The following MROH2A variants were observed in gnomAD, a reference collection of about 807,000 sequenced individuals.
MROH2A encodes maestro heat-like repeat-containing protein family member 2A.
In MROH2A, 174 loss-of-function variants were observed where a neutral mutation model predicts 200.4. The observed-to-expected ratio is 0.87, with a 90% confidence interval of 0.77 to 0.98. The LOEUF (loss-of-function observed/expected upper bound fraction) is 0.98, where lower values mean the gene tolerates loss of function less well. Among genes scored for constraint, MROH2A ranks in the 50% least tolerant of loss-of-function variants. The pLI is 0.00. For missense variants in MROH2A, 2,045 were observed against 2,139.6 expected (o/e 0.96, Z 0.87); for synonymous variants, 829 against 840.4 (o/e 0.99, Z 0.23).
chr2:233,818,595 G>A (rs567740595), intron 28 of MROH2A, 57 bp from the exon 29 acceptor site: 10 of 1,105,290 alleles, frequency 9.0e-6, no homozygotes, highest in Middle Eastern at 2.1e-4. Flanking sequence ...GCCACGAAGG[G>A]GGGGTGGCTG....
chr2:233,824,267 T>G (rs918144380), intron 35 of MROH2A, among the ~76,000 whole-genome samples: 13 of 152,262 alleles, frequency 8.5e-5, no homozygotes, highest in Non-Finnish European at 1.5e-5. Flanking sequence ...TTAAACTTCA[T>G]GGAATTTTCA....
At position 233,793,714 on chromosome 2, in the gene MROH2A, C is replaced by G. The variant is rs1647575737; in HGVS notation, c.712C>G (p.His238Asp). Residue 238 changes from histidine (H) to aspartate (D), a missense_variant, in exon 7 of 42, where the codon CAC (histidine) becomes GAC (aspartate). By Grantham distance (81) the His-to-Asp change is moderately conservative (BLOSUM62 -1). Coordinates refer to ENST00000389758, the MANE Select transcript of MROH2A (RefSeq NM_001394639.1). ...FCETVQFYLK[H>D]LEESVYPVMT... The stretch of plus-strand genomic sequence containing the variant: ...TGAGACGGTGCAGTTTTATCTGAAG[C>G]ACCTGGAGGAGAGCGTGTACCCCGT... 3 of 1,470,364 alleles carry G rather than the reference C, an allele frequency of 2.0e-6. No individual in the cohort carries two copies. The highest frequency in any genetic ancestry group is 2.7e-6 in the Non-Finnish European group (3 of 1,107,420). The allele number at this position is 1,470,364 out of a possible 1,614,324, so 91.1% of individuals were successfully genotyped here. A position where few individuals can be genotyped will look rare whatever the true frequency, so the allele number is the denominator to read the frequency against.
chr2:233,828,419 C>T lies in MROH2A; in HGVS notation c.4114-211C>T, dbSNP rs577177255. The T allele has an allele frequency of 9.0e-6, 5 of 555,536 alleles. No homozygotes were observed. The highest frequency in any genetic ancestry group is 5.6e-5 in the African/African-American group (3 of 53,342). 34.4% of individuals were successfully genotyped at this position (555,536 alleles called of 1,614,324 possible). On this transcript the variant is annotated intron_variant, in intron 35 of 41. Transcript: ENST00000389758. The surrounding 1 kb of genome is among the most constrained non-coding windows in gnomAD (Gnocchi z 4.6). ...ATATACGTAACACTTATCTAGCATT[C>T]CCCCCATATTTCCTTATTAAATCCC...
intron 3 of MROH2A, among the ~76,000 whole-genome samples, chr2:233,781,604 T>C (rs954682103): frequency 8.5e-5 from 13 of 152,172 alleles, no homozygotes; most frequent in African/African-American, 2.9e-4. Flanking sequence ...TTGAGTTGTT[T>C]GAGCTCCTTG....
At chr2:233,823,122 CT>C in intron 34 of MROH2A, 104 bp downstream of exon 34, 1 of 1,289,304 alleles carries the variant, frequency 7.8e-7, no homozygotes. Flanking sequence ...GGCTGAAGGC[CT>C]TCTTTCTGGG....
In MROH2A at chr2:233,818,144, T is replaced by A. The variant is rs1320760436; in HGVS notation, c.3085+19T>A. 7 of 1,549,382 alleles carry A rather than the reference T, an allele frequency of 4.5e-6. No homozygotes were observed. The highest frequency in any genetic ancestry group is 2.0e-5 in the Admixed American group (1 of 50,970). ...CTTCACGGTATGAGAGGGCAGGACA[T>A]GAGGACCAGCTCCTCTGGGAGGGAG... is the stretch of plus-strand genomic sequence containing the variant. On this transcript the variant is annotated intron_variant, in intron 28 of 41. Coordinates refer to ENST00000389758, the MANE Select transcript of MROH2A (RefSeq NM_001394639.1).
At chr2:233,777,407 G>A (rs1331777172), upstream of MROH2A, among the ~76,000 whole-genome samples, 1 of 152,216 alleles carries the variant, frequency 6.6e-6, no homozygotes, top group Non-Finnish European at 1.5e-5. Flanking sequence ...GGAGTGGGAG[G>A]AGGTAGTGCA....
intron 22 of MROH2A, among the ~76,000 whole-genome samples, chr2:233,810,359 G>A (rs756268636): frequency 6.6e-6 from 1 of 152,228 alleles, no homozygotes; most frequent in Non-Finnish European, 1.5e-5. Context: ...GAAAAATGAG[G>A]AAGAAGCAAA....
chr2:233,797,942 A>G (rs771375363), intron 11 of MROH2A, among the ~76,000 whole-genome samples: 1 of 152,220 alleles, frequency 6.6e-6, no homozygotes, highest in Non-Finnish European at 1.5e-5. Context: ...GCAGCCATAT[A>G]CTATTTTTAT....
At chr2:233,823,798 T>A (rs746313157) in intron 35 of MROH2A, 134 bp downstream of exon 35, 26 of 1,101,800 alleles carry the variant, frequency 2.4e-5, no homozygotes, top group Non-Finnish European at 3.2e-5. Flanking sequence ...GAGTGCTCAT[T>A]CTCTCATCTG....
At chr2:233,791,712 G>T (rs1701774332) in intron 5 of MROH2A, among the ~76,000 whole-genome samples, 1 of 152,136 alleles carries the variant, frequency 6.6e-6, no homozygotes, top group African/African-American at 2.4e-5. Context: ...GTGAGGCCTG[G>T]CACAGGGAGA....
chr2:233,792,273 C>G (rs75881960), intron 5 of MROH2A, among the ~76,000 whole-genome samples: 23,350 of 151,696 alleles, frequency 0.15, 2,040 homozygotes, highest in East Asian at 0.33. Flanking sequence ...CTTTCCTCCC[C>G]TTTTGCCTGG....
At chr2:233,812,043 G>A in intron 24 of MROH2A, 84 bp downstream of exon 24, 1 of 978,628 alleles carries the variant, frequency 1.0e-6, no homozygotes, top group South Asian at 1.4e-5. Flanking sequence ...CAGGGGTTGT[G>A]CCTCCTTTTT....
In MROH2A at chr2:233,818,784, AGCCT is replaced by A; in HGVS notation, c.3204+20_3204+23del. On this transcript the variant is annotated intron_variant, in intron 29 of 41. Coordinates refer to ENST00000389758, the MANE Select transcript of MROH2A (RefSeq NM_001394639.1). ...AGAATCGCCAAGGTGACAGCCGGGG[AGCCT>A]GCCTGGGCTGCCAGGCTGGTCTCAG... The A allele has an allele frequency of 6.6e-7, 1 of 1,504,658 alleles. No homozygotes were observed. 93.2% of individuals were successfully genotyped at this position (1,504,658 alleles called of 1,614,324 possible).
At chr2:233,802,547 T>C (rs998019025) in intron 15 of MROH2A, 21 of 462,740 alleles carry the variant, frequency 4.5e-5, no homozygotes, top group African/African-American at 3.5e-4. Context: ...CCTCATGTCC[T>C]GTCCCCCCAG....
rs1328473599 is a variant in MROH2A, at chr2:233,829,122, T to C, written c.4446+50T>C. The C allele has an allele frequency of 2.8e-6, 4 of 1,444,956 alleles. No homozygotes were observed. In the South Asian group the frequency reaches 4.4e-5, roughly 16 times the overall value. The allele number at this position is 1,444,956 out of a possible 1,614,324, so 89.5% of individuals were successfully genotyped here. On this transcript the variant is annotated intron_variant, in intron 37 of 41. Transcript: ENST00000389758. ...AGCTTGCTCAGTGAAGGAGGGGCAC[T>C]TCTCAGACCCTAAGGAAGAGATGGG...
chr2:233,803,529 C>T, intron 16 of MROH2A, 41 bp downstream of exon 16: 1 of 1,547,786 alleles, frequency 6.5e-7, no homozygotes, highest in Non-Finnish European at 8.7e-7. Flanking sequence ...CTGGCAAGGC[C>T]ATGCCCTGTG....
chr2:233,822,785 G>C, intron 33 of MROH2A, 96 bp from the exon 34 acceptor site: 1 of 1,440,684 alleles, frequency 6.9e-7, no homozygotes, highest in Non-Finnish European at 9.4e-7. Context: ...GCTGGGCCCG[G>C]CAGGCACTGG....
At chr2:233,785,886 A>G (rs1701184050) in intron 3 of MROH2A, among the ~76,000 whole-genome samples, 1 of 151,846 alleles carries the variant, frequency 6.6e-6, no homozygotes, top group African/African-American at 2.4e-5. Flanking sequence ...ACAGAAATTT[A>G]TTTTCTCACA....
Sources: allele counts gnomAD v4.1 joint callset (sites outside exome capture counted in the v4.1 genomes callset), GRCh38; gene constraint gnomAD v4.1.1; non-coding constraint Gnocchi (gnomAD v3.1); transcripts MANE v1.5; gene names NCBI Gene and HGNC (gene_info 2026-07-23, HGNC 2026-07-21).